ELMOD3: variants seen among roughly 807,000 people sequenced by gnomAD.
ELMOD3 encodes ELMO domain containing 3.
In ELMOD3, 36 loss-of-function variants were observed where a neutral mutation model predicts 47.4. The ratio of observed to expected loss-of-function variants is 0.76; its 90% CI spans 0.58 to 1.00. ELMOD3 has a LOEUF of 1.00. ELMOD3 is among the 50% of genes least tolerant of loss of function. The pLI is 0.00. For missense variants in ELMOD3, 404 were observed against 463.8 expected, an observed-to-expected ratio of 0.87 and a Z score of 1.18; for synonymous variants, 149 against 183.5, an observed-to-expected ratio of 0.81 and a Z score of 1.52.
chr2:85,377,196 T>G, intron 10 of ELMOD3, 148 bp from the exon 11 acceptor site: 1 of 669,330 alleles, frequency 1.5e-6, no homozygotes, highest in Non-Finnish European at 2.2e-6. Flanking sequence ...CTCATTAGAA[T>G]GAGCCCCACA....
At chr2:85,374,236 C>T (rs1482969447) in intron 10 of ELMOD3, among the ~76,000 whole-genome samples, 1 of 152,016 alleles carries the variant, frequency 6.6e-6, no homozygotes, top group Admixed American at 6.6e-5. Context: ...CATGGTGGCT[C>T]ACACCTGTAA....
chr2:85,362,482 C>T (rs375245029), intron 5 of ELMOD3, among the ~76,000 whole-genome samples: 3 of 146,918 alleles, frequency 2.0e-5, no homozygotes, highest in African/African-American at 4.9e-5. Context: ...GGCTATAAAA[C>T]GCAGAGAGAA....
rs147129188 is a variant in ELMOD3, at chr2:85,386,957, G to A, written c.739-2794G>A. The stretch of plus-strand genomic sequence containing the variant: ...GGCAGAGGTTGTGGGAGCCGAGATC[G>A]TGCCATTGCACTCCAGCCTGAGCAA... On this transcript the variant is annotated intron_variant, in intron 11 of 13. Transcript: ENST00000409013. The A allele has an allele frequency of 1.4e-3, 1,390 of 1,023,876 alleles. 6 individuals are homozygous for A. Among genetic ancestry groups the A allele is most frequent in the African/African-American group, 0.012 (713 of 58,346 alleles). The allele number at this position is 1,023,876 out of a possible 1,614,324, so 63.4% of individuals were successfully genotyped here.
At position 85,360,463 on chromosome 2, in the gene ELMOD3, C is replaced by T. The variant is rs558361122; in HGVS notation, c.55-1723C>T. Among the ~76,000 whole-genome samples the T allele has an allele frequency of 1.9e-4, 29 of 151,694 alleles. No homozygotes were observed. In the South Asian group the frequency reaches 5.6e-3, roughly 29 times the overall value. ...CCACCTCCCAGGTTGAAGCCATTCT[C>T]GTGCCTCAGCCACCTGAGTAGCTGA... On this transcript the variant is annotated intron_variant, in intron 4 of 13. Coordinates refer to ENST00000409013, the MANE Select transcript of ELMOD3 (RefSeq NM_001135022.2).
intron 4 of ELMOD3, among the ~76,000 whole-genome samples, chr2:85,359,493 C>T (rs745605725): frequency 6.0e-5 from 9 of 151,142 alleles, no homozygotes; most frequent in African/African-American, 1.5e-4. Context: ...CTGCACCCTC[C>T]GCCTCCCAGG....
At chr2:85,378,422 T>C (rs2104657488) in intron 11 of ELMOD3, among the ~76,000 whole-genome samples, 1 of 152,190 alleles carries the variant, frequency 6.6e-6, no homozygotes, top group East Asian at 1.9e-4. Context: ...CACAGCTTGG[T>C]TTTATACATT....
In ELMOD3 at chr2:85,389,739, C is replaced by T. The variant is rs564212762; in HGVS notation, c.739-12C>T. The T allele has an allele frequency of 5.2e-5, 84 of 1,613,590 alleles. 3 individuals are homozygous for T. In the South Asian group the frequency reaches 7.2e-4, roughly 14 times the overall value. ...CTGGAGTTGCTGCTGACTGGGTGCC[C>T]CTCCATTCCAGCAATTCCCTTTCTG... On this transcript the variant is annotated splice_polypyrimidine_tract_variant and intron_variant, in intron 11 of 13. Coordinates refer to ENST00000409013, the MANE Select transcript of ELMOD3 (RefSeq NM_001135022.2).
intron 11 of ELMOD3, 151 bp from the exon 12 acceptor site, chr2:85,389,597 GGAA>G (rs1427541003): frequency 2.5e-5 from 16 of 639,866 alleles, no homozygotes; most frequent in South Asian, 3.7e-5. Context: ...CTGTAAGATG[GGAA>G]GAAGATTATT....
intron 11 of ELMOD3, among the ~76,000 whole-genome samples, chr2:85,388,615 CCTT>C (rs1181004943): frequency 6.6e-6 from 1 of 152,160 alleles, no homozygotes; most frequent in Non-Finnish European, 1.5e-5. Context: ...AGCCAGAAGA[CCTT>C]CTGCAGTTCA....
At chr2:85,382,454 A>ATT (rs1265176831) in intron 11 of ELMOD3, among the ~76,000 whole-genome samples, 5 of 150,088 alleles carry the variant, frequency 3.3e-5, no homozygotes, top group Admixed American at 1.3e-4. Context: ...AAAAAAAAAC[A>ATT]TTTGGCAGGA....
At chr2:85,369,984 G>A (rs1684676476) in intron 8 of ELMOD3, among the ~76,000 whole-genome samples, 154 bp downstream of exon 8, 1 of 152,152 alleles carries the variant, frequency 6.6e-6, no homozygotes, top group Non-Finnish European at 1.5e-5. Context: ...TGCTTCATTT[G>A]GGGCCTTGGT....
Position 85,390,211 on chromosome 2 carries a change from C to T in ELMOD3, c.889C>T (p.His297Tyr), listed in dbSNP as rs143405971. The change falls in exon 13 of 14, where the codon CAT becomes TAT. Residue 297 changes from histidine to tyrosine, a missense_variant. Transcript: ENST00000409013. ...FYAATFLHLA[H>Y]VWRTQRKTIS... ...TGCCGCCACATTCCTCCACCTCGCA[C>T]ATGTCTGGAGGACACAGCGGAAGAC... 4.2e-5 allele frequency: 68 copies of T among 1,614,092 alleles called. 1 individual carries two copies. The African/African-American group carries it at 8.8e-4, about 21-fold the overall frequency.
rs1685181274 is a variant in ELMOD3 at position 85,376,587 on chromosome 2, C to A, written c.608-757C>A. Among the ~76,000 whole-genome samples, 1 of 152,164 alleles carries A rather than the reference C, an allele frequency of 6.6e-6. No homozygotes were observed. The highest frequency in any genetic ancestry group is 2.4e-5 in the African/African-American group (1 of 41,424). On this transcript the variant is annotated intron_variant, in intron 10 of 13. Coordinates refer to ENST00000409013, the MANE Select transcript of ELMOD3 (RefSeq NM_001135022.2). This position sits in a 1 kb window ranked among gnomAD's most constrained non-coding sequence, Gnocchi z 4.2. ...CCTGCCCGGCCTTCTCTGACGCTAC[C>A]CTTGTGGAGCTAAGGGGTGCCTTGA...
At chr2:85,390,608 C>G in intron 13 of ELMOD3, 152 bp from the exon 14 acceptor site, 1 of 1,518,682 alleles carries the variant, frequency 6.6e-7, no homozygotes, top group Non-Finnish European at 8.8e-7. Context: ...TAGCCTACCT[C>G]TCTGGTGATC....
intron 11 of ELMOD3, among the ~76,000 whole-genome samples, chr2:85,385,299 G>T (rs1312651313): frequency 6.6e-6 from 1 of 152,232 alleles, no homozygotes; most frequent in Non-Finnish European, 1.5e-5. Context: ...CAGGCTTTGT[G>T]TGAGCAACAA....
chr2:85,368,641 A>G (rs1684570811), intron 6 of ELMOD3, 45 bp from the exon 7 acceptor site: 2 of 1,604,128 alleles, frequency 1.2e-6, no homozygotes, highest in Non-Finnish European at 1.7e-6. Context: ...AGAGGCCCAG[A>G]CATACCTAGA....
At chr2:85,383,581 C>T (rs909760803) in intron 11 of ELMOD3, among the ~76,000 whole-genome samples, 2 of 152,070 alleles carry the variant, frequency 1.3e-5, no homozygotes, top group Admixed American at 6.5e-5. Context: ...GCCTTGGCCT[C>T]CCAAAGTGTT....
chr2:85,369,639 C>A, intron 7 of ELMOD3, 100 bp from the exon 8 acceptor site: 2 of 1,234,626 alleles, frequency 1.6e-6, no homozygotes, highest in Non-Finnish European at 2.3e-6. Flanking sequence ...CAACTGGAAG[C>A]CAGTGCTTGG....
At chr2:85,363,004 G>A (rs192970178) in intron 5 of ELMOD3, 93 bp from the exon 6 acceptor site, 6 of 777,308 alleles carry the variant, frequency 7.7e-6, no homozygotes, top group East Asian at 7.6e-5. Flanking sequence ...GGCCTCCAGT[G>A]TCAAGGACAT....
Sources: allele counts gnomAD v4.1 joint callset (sites outside exome capture counted in the v4.1 genomes callset), GRCh38; gene constraint gnomAD v4.1.1; non-coding constraint Gnocchi (gnomAD v3.1); transcripts MANE v1.5; gene names NCBI Gene and HGNC (gene_info 2026-07-23, HGNC 2026-07-21).